The following HLA-E variants were observed in gnomAD, a reference collection of about 807,000 sequenced individuals.
The protein encoded by HLA-E is HLA class I histocompatibility antigen, alpha chain E.
HLA-E carries 25 observed loss-of-function variants against 43.4 expected under a neutral mutation model. That is an observed-to-expected ratio of 0.58 (90% CI 0.42 to 0.80). The LOEUF (loss-of-function observed/expected upper bound fraction) is 0.80. Ranked by LOEUF, HLA-E falls within the 30% of genes least tolerant of loss-of-function variation. HLA-E has a pLI of 0.00. For missense variants in HLA-E, 343 were observed against 470.0 expected, an observed-to-expected ratio of 0.73 and a Z score of 2.50; for synonymous variants, 161 against 197.6, an observed-to-expected ratio of 0.81 and a Z score of 1.55.
Position 30,492,302 on chromosome 6 carries a change from C to T in HLA-E, c.1004-102C>T. The T allele has an allele frequency of 2.5e-6, 3 of 1,215,930 alleles. No individual in the cohort carries two copies. Among genetic ancestry groups the T allele is most frequent in the Non-Finnish European group, 2.4e-6 (2 of 817,686 alleles). The allele number at this position is 1,215,930 out of a possible 1,614,324, so 75.3% of individuals were successfully genotyped here. A position where few individuals can be genotyped will look rare whatever the true frequency, so the allele number is the denominator to read the frequency against. On this transcript the variant is annotated intron_variant, in intron 5 of 7. Coordinates refer to ENST00000376630, the MANE Select transcript of HLA-E (RefSeq NM_005516.6). This position sits in a 1 kb window ranked among gnomAD's most constrained non-coding sequence, Gnocchi z 4.5. ...TGATCCTGCCCTGGGTCTGCAGTCA[C>T]AGTTCAGGAAACTTCTCTGGGATCC...
Position 30,490,263 on chromosome 6 carries a change from C to T in HLA-E, c.358C>T (p.His120Tyr), listed in dbSNP as rs1262027747. The T allele has an allele frequency of 6.2e-7, 1 of 1,612,340 alleles. No individual in the cohort carries two copies. The highest frequency in any genetic ancestry group is 1.7e-5 in the Admixed American group (1 of 59,934). Residue 120 changes from histidine to tyrosine, a missense_variant, in exon 3 of 8, where the codon CAT becomes TAT. This residue lies in a region of HLA-E where 59 missense variants were observed against 42.0 expected (regional missense o/e 1.40). Coordinates refer to ENST00000376630, the MANE Select transcript of HLA-E (RefSeq NM_005516.6). This position sits in a 1 kb window ranked among gnomAD's most constrained non-coding sequence, Gnocchi z 6.6. ...AGGGTCTCACACCCTGCAGTGGATG[C>T]ATGGCTGCGAGCTGGGGCCCGACGG... ...EAGSHTLQWM[H>Y]GCELGPDGRF...
Position 30,490,192 on chromosome 6 carries a change from G to C in HLA-E, c.335-48G>C, listed in dbSNP as rs765432772. On this transcript the variant is annotated intron_variant, in intron 2 of 7. Transcript: ENST00000376630. The surrounding 1 kb of genome is among the most constrained non-coding windows in gnomAD (Gnocchi z 6.6). ...GCCAAAATGCCCACAGGGTGGTGGC[G>C]ACGGGGGCGGGGCTTGGTGGGCGGG... 14 of 1,587,180 alleles carry C rather than the reference G, an allele frequency of 8.8e-6. 1 individual carries two copies. The East Asian group carries it at 9.0e-5, about 10-fold the overall frequency.
At position 30,492,439 on chromosome 6, in the gene HLA-E, A is replaced by C; in HGVS notation, c.1036+3A>C. ...AGGGAGCTACTCTAAGGCTGAGTGTAAGTGCGGGGCGGGAGCGTGGAGGAG... is the reference window on the plus strand; with the variant it reads ...AGGGAGCTACTCTAAGGCTGAGTGTCAGTGCGGGGCGGGAGCGTGGAGGAG... On this transcript the variant is annotated splice_donor_region_variant and intron_variant, in intron 6 of 7. Coordinates refer to ENST00000376630, the MANE Select transcript of HLA-E (RefSeq NM_005516.6). This position sits in a 1 kb window ranked among gnomAD's most constrained non-coding sequence, Gnocchi z 4.5. 2 of 1,614,162 alleles carry C rather than the reference A, an allele frequency of 1.2e-6. No homozygotes were observed. Among genetic ancestry groups the C allele is most frequent in the Non-Finnish European group, 1.7e-6 (2 of 1,180,022 alleles).
At position 30,490,501 on chromosome 6, in the gene HLA-E, C is replaced by T. The variant is rs1274989997; in HGVS notation, c.596C>T (p.Thr199Met). ...LHKYLEKGKETLLHLEPPKTH... is the reference protein window; with the variant it reads ...LHKYLEKGKEMLLHLEPPKTH... ...AAATACCTGGAGAAGGGGAAGGAGA[C>T]GCTGCTTCACCTGGGTAAGAGGGTC... is the stretch of plus-strand genomic sequence containing the variant. The change falls in exon 3 of 8, where the codon ACG becomes ATG. Residue 199 changes from threonine to methionine, a missense_variant. Transcript: ENST00000376630. This position sits in a 1 kb window ranked among gnomAD's most constrained non-coding sequence, Gnocchi z 6.6. The T allele has an allele frequency of 3.7e-6, 6 of 1,612,670 alleles. No homozygotes were observed. Among genetic ancestry groups the T allele is most frequent in the East Asian group, 4.5e-5 (2 of 44,864 alleles).
In HLA-E at chr6:30,492,445, G is replaced by A. The variant is rs1419597194; in HGVS notation, c.1036+9G>A. 2.9e-5 allele frequency: 46 copies of A among 1,614,018 alleles called. No individual in the cohort carries two copies. The highest frequency in any genetic ancestry group is 3.3e-5 in the Non-Finnish European group (39 of 1,180,006). ...CTACTCTAAGGCTGAGTGTAAGTGC[G>A]GGGCGGGAGCGTGGAGGAGCTCGCC... On this transcript the variant is annotated intron_variant, in intron 6 of 7. Coordinates refer to ENST00000376630, the MANE Select transcript of HLA-E (RefSeq NM_005516.6). This position sits in a 1 kb window ranked among gnomAD's most constrained non-coding sequence, Gnocchi z 4.5.
Position 30,490,121 on chromosome 6 carries a change from C to A in HLA-E, c.335-119C>A. The A allele has an allele frequency of 5.3e-6, 8 of 1,504,946 alleles. No homozygotes were observed. The highest frequency in any genetic ancestry group is 2.3e-5 in the East Asian group (1 of 43,706). 93.2% of individuals were successfully genotyped at this position (1,504,946 alleles called of 1,614,324 possible). Reference sequence around the variant, plus strand: ...CTGCGGAACCCGCCCAGACCCTAGACCGGGGAGAGTCTCAGGCGCCTTTAC... The same window carrying A: ...CTGCGGAACCCGCCCAGACCCTAGAACGGGGAGAGTCTCAGGCGCCTTTAC... On this transcript the variant is annotated intron_variant, in intron 2 of 7. Coordinates refer to ENST00000376630, the MANE Select transcript of HLA-E (RefSeq NM_005516.6). The surrounding 1 kb of genome is among the most constrained non-coding windows in gnomAD (Gnocchi z 6.6).
rs760930383 is a variant in HLA-E, at chr6:30,492,694, T to G, written c.*3-55T>G. On this transcript the variant is annotated intron_variant, in intron 7 of 7. Transcript: ENST00000376630. This position sits in a 1 kb window ranked among gnomAD's most constrained non-coding sequence, Gnocchi z 4.5. Reference sequence around the variant, plus strand: ...TGAGTGTGTGGTGGGCTGTTCAGAGTGTCATCACTTACCGTGACTGACCTG... The same window carrying G: ...TGAGTGTGTGGTGGGCTGTTCAGAGGGTCATCACTTACCGTGACTGACCTG... 86 of 1,053,190 alleles carry G rather than the reference T, an allele frequency of 8.2e-5. No homozygotes were observed. Among genetic ancestry groups the G allele is most frequent in the Non-Finnish European group, 1.2e-4 (85 of 694,978 alleles). The allele number at this position is 1,053,190 out of a possible 1,614,324, so 65.2% of individuals were successfully genotyped here.
Position 30,491,308 on chromosome 6 carries a change from C to A in HLA-E, c.782C>A (p.Thr261Asn), listed in dbSNP as rs772379146. 3.7e-5 allele frequency: 60 copies of A among 1,614,100 alleles called. No individual in the cohort carries two copies. The highest frequency in any genetic ancestry group is 1.6e-4 in the East Asian group (7 of 44,900). The change falls in exon 4 of 8, where the codon ACC becomes AAC. Residue 261 changes from threonine to asparagine, a missense_variant. Around this residue, in one of 3 missense-constraint regions of HLA-E, gnomAD observed 190 missense variants for 283.6 expected, o/e 0.67. Coordinates refer to ENST00000376630, the MANE Select transcript of HLA-E (RefSeq NM_005516.6). This position sits in a 1 kb window ranked among gnomAD's most constrained non-coding sequence, Gnocchi z 5.4. ...LVETRPAGDG[T>N]FQKWAAVVVP... is the part of the protein sequence containing the mutation. Reference sequence around the variant, plus strand: ...GAGACCAGGCCTGCAGGGGATGGAACCTTCCAGAAGTGGGCAGCTGTGGTG... The same window carrying A: ...GAGACCAGGCCTGCAGGGGATGGAAACTTCCAGAAGTGGGCAGCTGTGGTG...
chr6:30,491,071 A>G lies in HLA-E; in HGVS notation c.611-66A>G, dbSNP rs1445203155. ...TCCTCTTCCTTCTCAGGATGGTCAC[A>G]TGGGTGCTGCTGGAGTGTCCCATGA... On this transcript the variant is annotated intron_variant, in intron 3 of 7. Transcript: ENST00000376630. This position sits in a 1 kb window ranked among gnomAD's most constrained non-coding sequence, Gnocchi z 5.4. 6.3e-7 allele frequency: 1 copy of G among 1,580,308 alleles called. No homozygotes were observed. Among genetic ancestry groups the G allele is most frequent in the Non-Finnish European group, 8.6e-7 (1 of 1,159,302 alleles).
In HLA-E at chr6:30,489,753, CTTCCGTG is replaced by C. The variant is rs1796403725; in HGVS notation, c.94_100del (p.Ser32ProfsTer64). ...TCCCACTCCTTGAAGTATTTCCACA[CTTCCGTG>C]TCCCGGCCCGGCCGCGGGGAGCCCC... On this transcript the variant is annotated frameshift_variant, in exon 2 of 8. Coordinates refer to ENST00000376630, the MANE Select transcript of HLA-E (RefSeq NM_005516.6). LOFTEE classifies it high-confidence loss of function. The surrounding 1 kb of genome is among the most constrained non-coding windows in gnomAD (Gnocchi z 5.6). 1 of 1,612,556 alleles carries C rather than the reference CTTCCGTG, an allele frequency of 6.2e-7. No individual in the cohort carries two copies.
Position 30,491,467 on chromosome 6 carries a change from T to C in HLA-E, c.886+55T>C. ...TTCTCAGGGAAAGCGGGAGCCCTTC[T>C]GGAGCCCTTCCGCAGGGTCAGGGCT... On this transcript the variant is annotated intron_variant, in intron 4 of 7. Coordinates refer to ENST00000376630, the MANE Select transcript of HLA-E (RefSeq NM_005516.6). The surrounding 1 kb of genome is among the most constrained non-coding windows in gnomAD (Gnocchi z 5.4). The C allele has an allele frequency of 6.2e-7, 1 of 1,611,454 alleles. No homozygotes were observed. Among genetic ancestry groups the C allele is most frequent in the South Asian group, 1.1e-5 (1 of 90,938 alleles).
Position 30,492,253 on chromosome 6 carries a change from C to A in HLA-E, c.1004-151C>A, listed in dbSNP as rs1210526496. 3 of 834,356 alleles carry A rather than the reference C, an allele frequency of 3.6e-6. No homozygotes were observed. The highest frequency in any genetic ancestry group is 6.3e-6 in the Non-Finnish European group (3 of 476,972). 51.7% of individuals were successfully genotyped at this position (834,356 alleles called of 1,614,324 possible). On this transcript the variant is annotated intron_variant, in intron 5 of 7. Coordinates refer to ENST00000376630, the MANE Select transcript of HLA-E (RefSeq NM_005516.6). The surrounding 1 kb of genome is among the most constrained non-coding windows in gnomAD (Gnocchi z 4.5). ...TCAGAAGGGCAGTTGATCCAGGACCCACACCTGCTTTCTTCACGTTTCCTG... is the reference window on the plus strand; with the variant it reads ...TCAGAAGGGCAGTTGATCCAGGACCAACACCTGCTTTCTTCACGTTTCCTG...
Position 30,490,646 on chromosome 6 carries a change from A to T in HLA-E, c.610+131A>T, listed in dbSNP as rs536223665. On this transcript the variant is annotated intron_variant, in intron 3 of 7. Coordinates refer to ENST00000376630, the MANE Select transcript of HLA-E (RefSeq NM_005516.6). This position sits in a 1 kb window ranked among gnomAD's most constrained non-coding sequence, Gnocchi z 6.6. ...TACCACTCCTCCCTTGGATCAGGAGAGGGAGCTGTCACCTGAGGTACAGGA... is the reference window on the plus strand; with the variant it reads ...TACCACTCCTCCCTTGGATCAGGAGTGGGAGCTGTCACCTGAGGTACAGGA... 2 of 894,278 alleles carry T rather than the reference A, an allele frequency of 2.2e-6. No homozygotes were observed. Among genetic ancestry groups the T allele is most frequent in the African/African-American group, 1.7e-5 (1 of 59,496 alleles). The allele number at this position is 894,278 out of a possible 1,614,324, so 55.4% of individuals were successfully genotyped here.
In HLA-E at chr6:30,492,798, G is replaced by A. The variant is rs1375193015; in HGVS notation, c.*52G>A. ...ACTGAGATGCACAGCTGCCTTGTGTGCGACTGAGATGCAGGATTTCCTCAC... is the reference window on the plus strand; with the variant it reads ...ACTGAGATGCACAGCTGCCTTGTGTACGACTGAGATGCAGGATTTCCTCAC... On this transcript the variant is annotated 3_prime_UTR_variant, in exon 8 of 8. Transcript: ENST00000376630. The surrounding 1 kb of genome is among the most constrained non-coding windows in gnomAD (Gnocchi z 4.5). 6 of 674,984 alleles carry A rather than the reference G, an allele frequency of 8.9e-6. No individual in the cohort carries two copies. The highest frequency in any genetic ancestry group is 1.6e-5 in the Non-Finnish European group (6 of 374,356). The allele number at this position is 674,984 out of a possible 1,614,324, so 41.8% of individuals were successfully genotyped here.
rs760607587 is a variant in HLA-E at position 30,490,491 on chromosome 6, G to A, written c.586G>A (p.Gly196Arg). ...VEWLHKYLEK[G>R]KETLLHLEPP... Reference sequence around the variant, plus strand: ...GTGGCTCCACAAATACCTGGAGAAGGGGAAGGAGACGCTGCTTCACCTGGG... The same window carrying A: ...GTGGCTCCACAAATACCTGGAGAAGAGGAAGGAGACGCTGCTTCACCTGGG... The change falls in exon 3 of 8, where the codon GGG becomes AGG. Residue 196 changes from glycine to arginine, a missense_variant. By Grantham distance (125) the Gly-to-Arg change is moderately radical (BLOSUM62 -2). Around this residue, in one of 3 missense-constraint regions of HLA-E, gnomAD observed 190 missense variants for 283.6 expected, o/e 0.67. Transcript: ENST00000376630. This position sits in a 1 kb window ranked among gnomAD's most constrained non-coding sequence, Gnocchi z 6.6. 2 of 1,612,960 alleles carry A rather than the reference G, an allele frequency of 1.2e-6. No individual in the cohort carries two copies. Among genetic ancestry groups the A allele is most frequent in the Admixed American group, 3.3e-5 (2 of 60,022 alleles).
Position 30,490,383 on chromosome 6 carries a change from G to C in HLA-E, c.478G>C (p.Ala160Pro). 6.2e-7 allele frequency: 1 copy of C among 1,613,100 alleles called. No individual in the cohort carries two copies. Among genetic ancestry groups the C allele is most frequent in the Non-Finnish European group, 8.5e-7 (1 of 1,180,026 alleles). Residue 160 changes from alanine to proline, a missense_variant, in exon 3 of 8, where the codon GCG (alanine) becomes CCG (proline). Coordinates refer to ENST00000376630, the MANE Select transcript of HLA-E (RefSeq NM_005516.6). The surrounding 1 kb of genome is among the most constrained non-coding windows in gnomAD (Gnocchi z 6.6). ...GCGCTCCTGGACCGCGGTGGACACG[G>C]CGGCTCAGATCTCCGAGCAAAAGTC... ...DLRSWTAVDT[A>P]AQISEQKSND... is the part of the protein sequence containing the mutation.
In HLA-E at chr6:30,491,336, G is replaced by A. The variant is rs371697028; in HGVS notation, c.810G>A (p.Val270=). ...TCCAGAAGTGGGCAGCTGTGGTGGTGCCTTCTGGAGAGGAGCAGAGATACA... is the reference window on the plus strand; with the variant it reads ...TCCAGAAGTGGGCAGCTGTGGTGGTACCTTCTGGAGAGGAGCAGAGATACA... ...GTFQKWAAVV[V]PSGEEQRYTC... The change falls in exon 4 of 8, where the codon GTG becomes GTA. Residue 270 remains valine, a synonymous_variant. Coordinates refer to ENST00000376630, the MANE Select transcript of HLA-E (RefSeq NM_005516.6). The surrounding 1 kb of genome is among the most constrained non-coding windows in gnomAD (Gnocchi z 5.4). 3.1e-6 allele frequency: 5 copies of A among 1,614,214 alleles called. No individual in the cohort carries two copies. The highest frequency in any genetic ancestry group is 4.2e-6 in the Non-Finnish European group (5 of 1,180,024).
At position 30,491,755 on chromosome 6, in the gene HLA-E, C is replaced by T. The variant is rs1177162817; in HGVS notation, c.1003+102C>T. ...TGCCTCGTTACTGGGAAGCACCATC[C>T]ACACACACGAGCCTACCCAGCCTGG... On this transcript the variant is annotated intron_variant, in intron 5 of 7. Coordinates refer to ENST00000376630, the MANE Select transcript of HLA-E (RefSeq NM_005516.6). This position sits in a 1 kb window ranked among gnomAD's most constrained non-coding sequence, Gnocchi z 5.4. 2.1e-6 allele frequency: 2 copies of T among 950,984 alleles called. No homozygotes were observed. The highest frequency in any genetic ancestry group is 3.2e-6 in the Non-Finnish European group (2 of 620,358). The allele number at this position is 950,984 out of a possible 1,614,324, so 58.9% of individuals were successfully genotyped here. A position where few individuals can be genotyped will look rare whatever the true frequency, so the allele number is the denominator to read the frequency against.
chr6:30,490,481 C>T lies in HLA-E; in HGVS notation c.576C>T (p.Tyr192=), dbSNP rs2127270453. 1 of 1,612,878 alleles carries T rather than the reference C, an allele frequency of 6.2e-7. No individual in the cohort carries two copies. The highest frequency in any genetic ancestry group is 2.2e-5 in the East Asian group (1 of 44,892). The change falls in exon 3 of 8, where the codon TAC becomes TAT. Residue 192 remains tyrosine (Y), a synonymous_variant. Transcript: ENST00000376630. The surrounding 1 kb of genome is among the most constrained non-coding windows in gnomAD (Gnocchi z 6.6). ...CATGCGTGGAGTGGCTCCACAAATA[C>T]CTGGAGAAGGGGAAGGAGACGCTGC... ...EDTCVEWLHK[Y]LEKGKETLLH... is the part of the protein sequence containing the mutation.
Sources: allele counts gnomAD v4.1 joint callset, GRCh38; gene constraint gnomAD v4.1.1; regional missense constraint gnomAD v4.1.1; non-coding constraint Gnocchi (gnomAD v3.1); transcripts MANE v1.5; gene names NCBI Gene and HGNC (gene_info 2026-07-23, HGNC 2026-07-21).